The following KLHL36 variants were observed in gnomAD, a reference collection of about 807,000 sequenced individuals.
KLHL36 encodes kelch-like protein 36.
KLHL36 carries 35 observed loss-of-function variants against 53.3 expected under a neutral mutation model. That is an observed-to-expected ratio of 0.66 (90% CI 0.50 to 0.87). KLHL36 has a LOEUF of 0.87. Ranked by LOEUF, KLHL36 falls within the 40% of genes least tolerant of loss-of-function variation. KLHL36 has a pLI of 0.00. For missense variants in KLHL36, 864 were observed against 897.6 expected (o/e 0.96, Z 0.48); for synonymous variants, 472 against 398.9 (o/e 1.18, Z -2.18).
At chr16:84,653,073 C>T (rs12935187) in intron 2 of KLHL36, among the ~76,000 whole-genome samples, 8,721 of 152,128 alleles carry the variant, frequency 0.057, 279 homozygotes, top group Middle Eastern at 0.12. Flanking sequence ...AAAAATTAGC[C>T]GAGCCTGGTG....
intron 1 of KLHL36, among the ~76,000 whole-genome samples, chr16:84,650,503 T>G (rs1192057599): frequency 6.6e-6 from 1 of 152,176 alleles, no homozygotes. Flanking sequence ...ATGGCACACT[T>G]AAGTCACTTA....
rs1378907822 is a variant in KLHL36, at chr16:84,657,648, C to A, written c.841C>A (p.Pro281Thr). Reference protein sequence around the residue: ...VRYHNNLAAQPVMQTKRTALR... With the variant: ...VRYHNNLAAQTVMQTKRTALR... ...CTACCACAACAACCTGGCGGCCCAGCCCGTCATGCAGACCAAGCGCACGGC... is the reference window on the plus strand; with the variant it reads ...CTACCACAACAACCTGGCGGCCCAGACCGTCATGCAGACCAAGCGCACGGC... Residue 281 changes from proline (P) to threonine (T), a missense_variant, in exon 3 of 5, where the codon CCC becomes ACC. Pro to Thr is a conservative substitution (Grantham distance 38, BLOSUM62 -1). Coordinates refer to ENST00000564996, the MANE Select transcript of KLHL36 (RefSeq NM_024731.4). The A allele has an allele frequency of 6.2e-7, 1 of 1,612,106 alleles. No individual in the cohort carries two copies. Among genetic ancestry groups the A allele is most frequent in the Non-Finnish European group, 8.5e-7 (1 of 1,179,584 alleles).
rs1031069349 is a variant in KLHL36 at position 84,665,072 on chromosome 16, T to C, written c.*2939T>C. On this transcript the variant is annotated 3_prime_UTR_variant, in exon 5 of 5. Coordinates refer to ENST00000564996, the MANE Select transcript of KLHL36 (RefSeq NM_024731.4). ...ACTCAGATGGGCAGAGTTTGGGCTG[T>C]GCTTATGCAGTGGCCATTTGAACCG... 3 of 152,144 alleles carry C rather than the reference T, an allele frequency of 2.0e-5. No homozygotes were observed. The highest frequency in any genetic ancestry group is 2.0e-4 in the Admixed American group (3 of 15,276). 9.4% of individuals were successfully genotyped at this position (152,144 alleles called of 1,614,324 possible). A position where few individuals can be genotyped will look rare whatever the true frequency, so the allele number is the denominator to read the frequency against.
intron 2 of KLHL36, among the ~76,000 whole-genome samples, chr16:84,653,688 A>C (rs1907034859): frequency 6.6e-6 from 1 of 152,142 alleles, no homozygotes; most frequent in African/African-American, 2.4e-5. Flanking sequence ...TAAAAAGACA[A>C]AATTAGCTGG....
intron 2 of KLHL36, among the ~76,000 whole-genome samples, chr16:84,654,021 C>A (rs1907058486): frequency 6.6e-6 from 1 of 152,212 alleles, no homozygotes; most frequent in Admixed American, 6.5e-5. Context: ...CCTGCCCCAG[C>A]TCACTGGAGC....
In KLHL36 at chr16:84,648,556, G is replaced by A. The variant is rs1293831698; in HGVS notation, c.-110G>A. On this transcript the variant is annotated 5_prime_UTR_variant, in exon 1 of 5. Coordinates refer to ENST00000564996, the MANE Select transcript of KLHL36 (RefSeq NM_024731.4). This position sits in a 1 kb window ranked among gnomAD's most constrained non-coding sequence, Gnocchi z 4.9. ...CGGAGCCATGGCTGCGCAGCGGGCT[G>A]GCCGGGGGTCTCCTGAACCCGGGCC... 6.8e-6 allele frequency: 1 copy of A among 147,370 alleles called. No individual in the cohort carries two copies. The highest frequency in any genetic ancestry group is 1.5e-5 in the Non-Finnish European group (1 of 65,892). The allele number at this position is 147,370 out of a possible 1,614,324, so 9.1% of individuals were successfully genotyped here. A position where few individuals can be genotyped will look rare whatever the true frequency, so the allele number is the denominator to read the frequency against.
At chr16:84,658,746 A>T (rs889894585) in intron 3 of KLHL36, 3 of 152,284 alleles carry the variant, frequency 2.0e-5, no homozygotes, top group African/African-American at 7.2e-5. Context: ...GGGACAGTCC[A>T]TCTCAGCCTC....
rs568763991 is a variant in KLHL36, at chr16:84,648,910, C to G, written c.-17+261C>G. On this transcript the variant is annotated intron_variant, in intron 1 of 4. Transcript: ENST00000564996. The surrounding 1 kb of genome is among the most constrained non-coding windows in gnomAD (Gnocchi z 4.9). ...CAGGTGAGTGGCCCCCGCCCCGGGC[C>G]GTCCCGACTCCGCCTCCTCGCCGCC... is the stretch of plus-strand genomic sequence containing the variant. 5.9e-5 allele frequency: 9 copies of G among 152,228 alleles called. No homozygotes were observed. Among genetic ancestry groups the G allele is most frequent in the Non-Finnish European group, 1.2e-4 (8 of 68,168 alleles). The allele number at this position is 152,228 out of a possible 1,614,324, so 9.4% of individuals were successfully genotyped here.
chr16:84,661,665 G>C lies in KLHL36; in HGVS notation c.1383G>C (p.Lys461Asn). 1.2e-6 allele frequency: 2 copies of C among 1,613,514 alleles called. No homozygotes were observed. The highest frequency in any genetic ancestry group is 1.7e-6 in the Non-Finnish European group (2 of 1,179,900). ...ACTACCAAATTGGCCCCTACCGCAA[G>C]AACCTGCTATGCTACGACCACCGGA... ...GHDYQIGPYR[K>N]NLLCYDHRTD... The change falls in exon 5 of 5, where the codon AAG becomes AAC. Residue 461 changes from lysine (K) to asparagine (N), a missense_variant. Lys to Asn is a moderately conservative substitution (Grantham distance 94). Transcript: ENST00000564996. This position sits in a 1 kb window ranked among gnomAD's most constrained non-coding sequence, Gnocchi z 7.9.
intron 2 of KLHL36, among the ~76,000 whole-genome samples, chr16:84,651,477 T>C (rs568464818): frequency 6.6e-6 from 1 of 152,312 alleles, no homozygotes; most frequent in East Asian, 1.9e-4. Flanking sequence ...CCAGCCACAT[T>C]AAAATCCAAG....
rs759319049 is a variant in KLHL36, at chr16:84,659,807, C to T, written c.1185C>T (p.Ile395=). 1.2e-5 allele frequency: 20 copies of T among 1,614,152 alleles called. No individual in the cohort carries two copies. In the Admixed American group the frequency reaches 1.8e-4, roughly 15 times the overall value. The change falls in exon 4 of 5, where the codon ATC becomes ATT. Residue 395 remains isoleucine, a synonymous_variant. Transcript: ENST00000564996. ...QRRVDFYLAS[I]EDMLVAIGGR... Reference sequence around the variant, plus strand: ...GTGTGGATTTCTACCTTGCCTCCATCGAAGACATGCTGGTGGCCATCGGCG... The same window carrying T: ...GTGTGGATTTCTACCTTGCCTCCATTGAAGACATGCTGGTGGCCATCGGCG...
chr16:84,657,982 ACT>A lies in KLHL36; in HGVS notation c.1137+44_1137+45del, dbSNP rs1907324086. The A allele has an allele frequency of 9.2e-6, 13 of 1,405,704 alleles. No individual in the cohort carries two copies. The East Asian group carries it at 3.1e-4, about 33-fold the overall frequency. 87.1% of individuals were successfully genotyped at this position (1,405,704 alleles called of 1,614,324 possible). On this transcript the variant is annotated intron_variant, in intron 3 of 4. Transcript: ENST00000564996. ...CCAGATTATTTCTTTTCTCTTGAGG[ACT>A]CTCTCGGTTTCCTTAACCTAGCCTT...
chr16:84,650,492 G>C (rs2150717251), intron 1 of KLHL36, among the ~76,000 whole-genome samples: 1 of 152,266 alleles, frequency 6.6e-6, no homozygotes, highest in South Asian at 2.1e-4. Flanking sequence ...GGTTAAATGA[G>C]ATGGCACACT....
chr16:84,651,774 A>G (rs1372244392), intron 2 of KLHL36, among the ~76,000 whole-genome samples: 1 of 152,202 alleles, frequency 6.6e-6, no homozygotes, highest in South Asian at 2.1e-4. Flanking sequence ...ACAATTATAC[A>G]TACAGTACAT....
chr16:84,651,029 T>C, intron 2 of KLHL36, 99 bp downstream of exon 2: 1 of 1,011,458 alleles, frequency 9.9e-7, no homozygotes, highest in Non-Finnish European at 1.5e-6. Flanking sequence ...TTTTTTGTCA[T>C]TGGTGTTGTC....
In KLHL36 at chr16:84,657,252, C is replaced by T. The variant is rs777203080; in HGVS notation, c.445C>T (p.Leu149=). 18 of 1,614,172 alleles carry T rather than the reference C, an allele frequency of 1.1e-5. 1 individual carries two copies. The South Asian group carries it at 1.3e-4, about 12-fold the overall frequency. Residue 149 remains leucine (L), a synonymous_variant, in exon 3 of 5, where the codon CTG becomes TTG. Coordinates refer to ENST00000564996, the MANE Select transcript of KLHL36 (RefSeq NM_024731.4). ...LEQEVSEDNY[L]YLQELASIYS... Reference sequence around the variant, plus strand: ...GCAGGAGGTGAGCGAGGACAACTACCTGTACCTGCAGGAGCTGGCCTCCAT... The same window carrying T: ...GCAGGAGGTGAGCGAGGACAACTACTTGTACCTGCAGGAGCTGGCCTCCAT...
Position 84,657,240 on chromosome 16 carries a change from G to A in KLHL36, c.433G>A (p.Glu145Lys), listed in dbSNP as rs1907261258. The A allele has an allele frequency of 1.9e-6, 3 of 1,614,030 alleles. No individual in the cohort carries two copies. The highest frequency in any genetic ancestry group is 1.3e-5 in the African/African-American group (1 of 74,926). The change falls in exon 3 of 5, where the codon GAG becomes AAG. Residue 145 changes from glutamate (E) to lysine (K), a missense_variant. Glu to Lys is a moderately conservative substitution (Grantham distance 56). Transcript: ENST00000564996. The part of the protein sequence containing the change: ...CCEYLEQEVS[E>K]DNYLYLQELA... ...TGAGTACCTGGAGCAGGAGGTGAGC[G>A]AGGACAACTACCTGTACCTGCAGGA...
rs553433535 is a variant in KLHL36, at chr16:84,651,620, T to A, written c.63+690T>A. Among the ~76,000 whole-genome samples the A allele has an allele frequency of 8.5e-5, 13 of 152,326 alleles. No homozygotes were observed. The East Asian group carries it at 2.5e-3, about 29-fold the overall frequency. On this transcript the variant is annotated intron_variant, in intron 2 of 4. Coordinates refer to ENST00000564996, the MANE Select transcript of KLHL36 (RefSeq NM_024731.4). The stretch of plus-strand genomic sequence containing the variant: ...TTATAAATATTCGTAATGCCCTCTG[T>A]TCTTTAGAGGTATCCCTTTTGGAGA...
At chr16:84,659,939 G>C (rs1227962403) in intron 4 of KLHL36, 22 bp downstream of exon 4, 15 of 1,595,162 alleles carry the variant, frequency 9.4e-6, no homozygotes, top group Non-Finnish European at 1.2e-5. Context: ...CTTGGTGGAA[G>C]GTTCTCCAAA....
Sources: gnomAD v4.1 joint callset for allele counts (sites outside exome capture counted in the v4.1 genomes callset) on GRCh38, gnomAD v4.1.1 for gene constraint, Gnocchi (gnomAD v3.1) non-coding constraint, MANE v1.5 for transcripts, NCBI Gene and HGNC (gene_info 2026-07-23, HGNC 2026-07-21) for gene names.